CFH: variants seen among roughly 807,000 people sequenced by gnomAD.
CFH encodes the protein complement factor H, also known as H factor 1 (complement).
CFH carries 53 observed loss-of-function variants against 147.3 expected under a neutral mutation model. That is an observed-to-expected ratio of 0.36 (90% CI 0.29 to 0.45). The LOEUF (loss-of-function observed/expected upper bound fraction) is 0.45. Ranked by LOEUF, CFH falls within the 20% of genes least tolerant of loss-of-function variation. The pLI is 1.00. For synonymous variants in CFH, 536 were observed against 489.4 expected (o/e 1.10, Z -1.26); for missense variants, 1,380 against 1,498.0 (o/e 0.92, Z 1.30).
chr1:196,664,525 C>A (rs1667013558), intron 1 of CFH, among the ~76,000 whole-genome samples: 1 of 152,130 alleles, frequency 6.6e-6, no homozygotes, highest in Non-Finnish European at 1.5e-5. Context: ...TAAAAGGAGT[C>A]ATAGACAATA....
chr1:196,673,192 A>C (rs1667343103), intron 2 of CFH, 29 bp downstream of exon 2: 1 of 1,580,338 alleles, frequency 6.3e-7, no homozygotes, highest in African/African-American at 1.4e-5. Context: ...TGTGAAATTT[A>C]TGAAAACTAG....
At position 196,737,529 on chromosome 1, in the gene CFH, C is replaced by A. The variant is rs114743644; in HGVS notation, c.2651C>A (p.Ser884Tyr). The A allele has an allele frequency of 1.9e-4, 304 of 1,613,246 alleles. No homozygotes were observed. In the African/African-American group the frequency reaches 3.7e-3, roughly 20 times the overall value. Residue 884 changes from serine (S) to tyrosine (Y), a missense_variant, in exon 17 of 22, where the codon TCC (serine) becomes TAC (tyrosine). By Grantham distance (144) the Ser-to-Tyr change is moderately radical. This residue lies in a region of CFH where 830 missense variants were observed against 821.4 expected (regional missense o/e 1.01). Coordinates refer to ENST00000367429, the MANE Select transcript of CFH (RefSeq NM_000186.4). ...PQIEHGTINS[S>Y]RSSQESYAHG... ...ATAGAACACGGAACCATTAATTCAT[C>A]CAGGTCTTCACAAGAAAGTTATGCA... is the stretch of plus-strand genomic sequence containing the variant.
chr1:196,741,595 G>A (rs938136340), intron 18 of CFH: 2 of 387,268 alleles, frequency 5.2e-6, no homozygotes, highest in African/African-American at 4.5e-5. Flanking sequence ...GGCAAGTATG[G>A]ACAAAAATAA....
At chr1:196,681,387 T>G (rs1289249556) in intron 6 of CFH, among the ~76,000 whole-genome samples, 4 of 151,714 alleles carry the variant, frequency 2.6e-5, no homozygotes, top group African/African-American at 4.8e-5. Flanking sequence ...AGCACATATT[T>G]GTTTTCACAA....
In CFH at chr1:196,747,405, T is replaced by C; in HGVS notation, c.*92T>C. ...TTATGTATTGTTTTACTCCTTTTTA[T>C]TCATACGTAAAATTTTGGATTAATT... On this transcript the variant is annotated 3_prime_UTR_variant, in exon 22 of 22. Transcript: ENST00000367429. 1 of 1,505,384 alleles carries C rather than the reference T, an allele frequency of 6.6e-7. No homozygotes were observed. The highest frequency in any genetic ancestry group is 2.4e-5 in the East Asian group (1 of 42,212). The allele number at this position is 1,505,384 out of a possible 1,614,324, so 93.3% of individuals were successfully genotyped here.
At chr1:196,703,480 C>T (rs1668511187) in intron 9 of CFH, among the ~76,000 whole-genome samples, 1 of 152,156 alleles carries the variant, frequency 6.6e-6, no homozygotes, top group African/African-American at 2.4e-5. Context: ...ACAACACCCT[C>T]CATATTTCCC....
intron 11 of CFH, among the ~76,000 whole-genome samples, chr1:196,724,887 C>T (rs1337092274): frequency 2.0e-5 from 3 of 152,054 alleles, no homozygotes; most frequent in South Asian, 2.1e-4. Context: ...GTTGAATTTA[C>T]AAATTAATTT....
chr1:196,701,652 C>T (rs943759105), intron 9 of CFH: 2 of 337,972 alleles, frequency 5.9e-6, no homozygotes, highest in South Asian at 3.4e-5. Flanking sequence ...CAAGCCAGGT[C>T]GAGGTCACTC....
intron 9 of CFH, among the ~76,000 whole-genome samples, chr1:196,706,796 C>T (rs958289789): frequency 3.9e-5 from 6 of 152,106 alleles, no homozygotes; most frequent in African/African-American, 1.2e-4. Flanking sequence ...TAAGACTGGT[C>T]CTCCACCCCC....
intron 8 of CFH, among the ~76,000 whole-genome samples, 193 bp downstream of exon 8, chr1:196,689,807 A>G (rs1188377998): frequency 1.3e-5 from 2 of 152,154 alleles, no homozygotes; most frequent in African/African-American, 4.8e-5. Context: ...AGAAATAAAT[A>G]TAGGGACTTT....
chr1:196,670,365 G>T (rs961686272), intron 1 of CFH, among the ~76,000 whole-genome samples: 26 of 152,044 alleles, frequency 1.7e-4, no homozygotes, highest in African/African-American at 6.3e-4. Context: ...ATATGGTTAG[G>T]CTCTGTGTCC....
intron 1 of CFH, among the ~76,000 whole-genome samples, chr1:196,654,160 A>C (rs1339447096): frequency 6.6e-6 from 1 of 152,106 alleles, no homozygotes; most frequent in Non-Finnish European, 1.5e-5. Context: ...TTGAATACTG[A>C]ATACCAAATT....
intron 1 of CFH, among the ~76,000 whole-genome samples, chr1:196,666,339 AG>A (rs1275094720): frequency 6.6e-6 from 1 of 152,112 alleles, no homozygotes; most frequent in Non-Finnish European, 1.5e-5. Flanking sequence ...GATTTCCAAC[AG>A]TTTTTTATTT....
At position 196,740,612 on chromosome 1, in the gene CFH, T is replaced by A; in HGVS notation, c.2783-7T>A. ...AGTGAAACCTGAATTCATTCTTTTT[T>A]TTTTAGGCCTTCCTTGTAAATCTCC... On this transcript the variant is annotated splice_region_variant and splice_polypyrimidine_tract_variant and intron_variant, in intron 17 of 21. Transcript: ENST00000367429. The A allele has an allele frequency of 6.2e-7, 1 of 1,613,424 alleles. No homozygotes were observed. The highest frequency in any genetic ancestry group is 8.5e-7 in the Non-Finnish European group (1 of 1,179,756).
At chr1:196,670,921 A>G (rs1253924308) in intron 1 of CFH, among the ~76,000 whole-genome samples, 3 of 152,184 alleles carry the variant, frequency 2.0e-5, no homozygotes, top group African/African-American at 4.8e-5. Flanking sequence ...TAGAATTCCA[A>G]TTAAACATGT....
chr1:196,696,253 A>G (rs1668263466), intron 9 of CFH, among the ~76,000 whole-genome samples: 1 of 152,174 alleles, frequency 6.6e-6, no homozygotes, highest in Non-Finnish European at 1.5e-5. Flanking sequence ...AAACCACAAC[A>G]AACAGTCTCT....
chr1:196,709,195 T>A (rs1668667774), intron 9 of CFH, among the ~76,000 whole-genome samples: 1 of 152,206 alleles, frequency 6.6e-6, no homozygotes, highest in Non-Finnish European at 1.5e-5. Context: ...TATGTCTGAA[T>A]AGTTTTTTGA....
At position 196,662,223 on chromosome 1, in the gene CFH, T is replaced by C. The variant is rs187188308; in HGVS notation, c.58+10048T>C. Among the ~76,000 whole-genome samples, 310 of 152,344 alleles carry C rather than the reference T, an allele frequency of 2.0e-3. 4 individuals carry two copies. Among genetic ancestry groups the C allele is most frequent in the African/African-American group, 6.9e-3 (287 of 41,586 alleles). ...TGACTCAATAACTGGGAATGCTGACTTAAGCAAGATGACTTATTAAGAAAA... is the reference window on the plus strand; with the variant it reads ...TGACTCAATAACTGGGAATGCTGACCTAAGCAAGATGACTTATTAAGAAAA... On this transcript the variant is annotated intron_variant, in intron 1 of 21. Transcript: ENST00000367429.
At chr1:196,711,825 G>A (rs1024791969) in intron 9 of CFH, among the ~76,000 whole-genome samples, 6 of 151,972 alleles carry the variant, frequency 3.9e-5, no homozygotes, top group Non-Finnish European at 5.9e-5. Flanking sequence ...TCATCTGATA[G>A]GTATCCTTTG....
Sources: gnomAD v4.1 joint callset for allele counts (sites outside exome capture counted in the v4.1 genomes callset) on GRCh38, gnomAD v4.1.1 for gene constraint, gnomAD v4.1.1 regional missense constraint, MANE v1.5 for transcripts, NCBI Gene and HGNC (gene_info 2026-07-23, HGNC 2026-07-21) for gene names.